PPP2R3A: variants seen among roughly 807,000 people sequenced by gnomAD.
PPP2R3A encodes protein phosphatase 2 regulatory subunit B''alpha, also known as serine/threonine-protein phosphatase 2A regulatory subunit B'' subunit alpha.
A neutral mutation model predicts 106.9 loss-of-function variants in PPP2R3A; 80 were observed. That is an observed-to-expected ratio of 0.75 (90% confidence interval 0.62 to 0.90). PPP2R3A has a LOEUF of 0.90. Ranked by LOEUF, PPP2R3A falls within the 40% of genes least tolerant of loss-of-function variation. PPP2R3A has a pLI of 0.00. For synonymous variants in PPP2R3A, 483 were observed against 468.3 expected (o/e 1.03, Z -0.41); for missense variants, 1,386 against 1,350.4 (o/e 1.03, Z -0.41).
At chr3:136,042,227 A>G (rs909608308) in intron 4 of PPP2R3A, among the ~76,000 whole-genome samples, 10 of 152,222 alleles carry the variant, frequency 6.6e-5, no homozygotes, top group Non-Finnish European at 1.5e-4. Context: ...TTCTTCATAC[A>G]TCACATTAGA....
chr3:136,018,049 T>C (rs1934338657), intron 2 of PPP2R3A, among the ~76,000 whole-genome samples: 1 of 152,216 alleles, frequency 6.6e-6, no homozygotes, highest in Non-Finnish European at 1.5e-5. Context: ...GGCAGATTGC[T>C]TGAGCCCAGG....
At position 136,057,942 on chromosome 3, in the gene PPP2R3A, A is replaced by C. The variant is rs1386626019; in HGVS notation, c.2469+8581A>C. On this transcript the variant is annotated intron_variant, in intron 5 of 13. Transcript: ENST00000264977. ...TACCATATGATCCTACAGTCCTACT[A>C]CTGGGTGTATATCCAAAGGAAATGA... Among the ~76,000 whole-genome samples the C allele has an allele frequency of 3.3e-5, 5 of 152,308 alleles. No homozygotes were observed. The East Asian group carries it at 9.6e-4, about 29-fold the overall frequency.
intron 1 of PPP2R3A, among the ~76,000 whole-genome samples, chr3:135,992,063 T>G (rs534655917): frequency 6.6e-6 from 1 of 152,130 alleles, no homozygotes; most frequent in Non-Finnish European, 1.5e-5. Flanking sequence ...TTATTTTATT[T>G]TTTAAATTTC....
At chr3:136,076,973 A>G (rs1936619307) in intron 6 of PPP2R3A, among the ~76,000 whole-genome samples, 1 of 150,430 alleles carries the variant, frequency 6.6e-6, no homozygotes, top group South Asian at 2.1e-4. Flanking sequence ...AAAAAGCACC[A>G]TATAAGTTAC....
At position 136,003,147 on chromosome 3, in the gene PPP2R3A, C is replaced by T; in HGVS notation, c.1649C>T (p.Thr550Ile). Reference protein sequence around the residue: ...LNSHSQLTGQTLVDLEPKSKV... With the variant: ...LNSHSQLTGQILVDLEPKSKV... ...AGTCACAGTCAGTTGACCGGTCAGA[C>T]CCTTGTAGATCTTGAGCCTAAATCT... Residue 550 changes from threonine to isoleucine, a missense_variant, in exon 2 of 14, where the codon ACC becomes ATC. Physicochemically the swap from Thr to Ile is moderately conservative, Grantham distance 89. Transcript: ENST00000264977. 6.2e-7 allele frequency: 1 copy of T among 1,613,792 alleles called. No homozygotes were observed. The highest frequency in any genetic ancestry group is 1.1e-5 in the South Asian group (1 of 91,050).
At chr3:135,973,061 T>A (rs978042070) in intron 1 of PPP2R3A, among the ~76,000 whole-genome samples, 6 of 152,198 alleles carry the variant, frequency 3.9e-5, no homozygotes, top group Non-Finnish European at 7.3e-5. Context: ...TGGCAATATA[T>A]AGTTTTAGTT....
chr3:136,059,750 C>T (rs1936013100), intron 5 of PPP2R3A, among the ~76,000 whole-genome samples: 2 of 152,034 alleles, frequency 1.3e-5, no homozygotes, highest in Non-Finnish European at 1.5e-5. Context: ...CAATGATAGA[C>T]CAGATAAAGA....
chr3:136,014,371 G>C (rs1451490890), intron 2 of PPP2R3A, among the ~76,000 whole-genome samples: 2 of 152,042 alleles, frequency 1.3e-5, no homozygotes, highest in Non-Finnish European at 2.9e-5. Context: ...GTGGTATTTT[G>C]ACTGGAATTG....
intron 13 of PPP2R3A, among the ~76,000 whole-genome samples, chr3:136,109,103 A>G (rs912190684): frequency 1.3e-5 from 2 of 152,220 alleles, no homozygotes; most frequent in African/African-American, 4.8e-5. Context: ...AGAGCAGAAC[A>G]TAATATTCCA....
intron 8 of PPP2R3A, among the ~76,000 whole-genome samples, chr3:136,086,433 G>T (rs1022670058): frequency 6.6e-6 from 1 of 151,492 alleles, no homozygotes; most frequent in Non-Finnish European, 1.5e-5. Flanking sequence ...AGTAAGCCGA[G>T]ATCACACCAC....
intron 13 of PPP2R3A, among the ~76,000 whole-genome samples, chr3:136,111,786 C>G (rs1476278477): frequency 6.6e-6 from 1 of 152,152 alleles, no homozygotes; most frequent in Non-Finnish European, 1.5e-5. Context: ...GGACTCCTCT[C>G]TAACTCATTC....
chr3:135,995,438 C>G (rs934552660), intron 1 of PPP2R3A, among the ~76,000 whole-genome samples: 4 of 146,278 alleles, frequency 2.7e-5, no homozygotes, highest in Non-Finnish European at 6.0e-5. Context: ...ATGAGACTTA[C>G]GTTGACAGAT....
intron 1 of PPP2R3A, among the ~76,000 whole-genome samples, chr3:135,974,538 TC>T (rs2107750093): frequency 6.6e-6 from 1 of 152,326 alleles, no homozygotes; most frequent in African/African-American, 2.4e-5. Context: ...TTACTGCTCT[TC>T]CCTGTGCTTG....
At chr3:136,053,988 G>T (rs1320799723) in intron 5 of PPP2R3A, among the ~76,000 whole-genome samples, 1 of 151,926 alleles carries the variant, frequency 6.6e-6, no homozygotes, top group Non-Finnish European at 1.5e-5. Flanking sequence ...CACAGAAAAA[G>T]TAGCCCAGAA....
At chr3:136,102,222 G>GT in intron 11 of PPP2R3A, 40 bp downstream of exon 11, 2 of 1,598,386 alleles carry the variant, frequency 1.3e-6, no homozygotes, top group Non-Finnish European at 1.7e-6. Flanking sequence ...GTTCACCTAT[G>GT]TATCAGAGGA....
chr3:136,106,946 A>C (rs893631159), intron 13 of PPP2R3A: 6 of 145,202 alleles, frequency 4.1e-5, no homozygotes, highest in Non-Finnish European at 9.1e-5. Flanking sequence ...AAAAAAAAAA[A>C]AAAAAAAACT....
At chr3:136,090,557 A>G (rs768052850) in intron 9 of PPP2R3A, 21 bp from the exon 10 acceptor site, 15 of 1,589,496 alleles carry the variant, frequency 9.4e-6, no homozygotes, top group Admixed American at 6.7e-5. Context: ...AGGAAATTTT[A>G]TAACCATGTG....
chr3:136,066,923 CTG>C (rs1936278116), intron 5 of PPP2R3A, among the ~76,000 whole-genome samples: 1 of 152,114 alleles, frequency 6.6e-6, no homozygotes. Flanking sequence ...AAAAATTTCT[CTG>C]TATTTTAGAT....
At chr3:135,999,318 C>G (rs1933525837) in intron 1 of PPP2R3A, among the ~76,000 whole-genome samples, 1 of 152,140 alleles carries the variant, frequency 6.6e-6, no homozygotes, top group African/African-American at 2.4e-5. Flanking sequence ...TATATTAGGC[C>G]ACACTGGCAG....
Sources: allele counts gnomAD v4.1 joint callset (sites outside exome capture counted in the v4.1 genomes callset), GRCh38; gene constraint gnomAD v4.1.1; transcripts MANE v1.5; gene names NCBI Gene and HGNC (gene_info 2026-07-23, HGNC 2026-07-21).